The following NOL3 variants were observed in gnomAD, a reference collection of about 807,000 sequenced individuals.
The protein encoded by NOL3 is muscle-enriched cytoplasmic protein.
In NOL3, 18 loss-of-function variants were observed where a neutral mutation model predicts 19.2. The ratio of observed to expected loss-of-function variants is 0.94; its 90% CI spans 0.65 to 1.39. NOL3 has a LOEUF of 1.39. NOL3 is among the 40% of genes most tolerant of loss of function. The pLI, the probability that NOL3 is intolerant of heterozygous loss-of-function variation, is 0.00. For missense variants in NOL3, 290 were observed against 289.5 expected (o/e 1.00, Z -0.01); for synonymous variants, 127 against 137.3 (o/e 0.93, Z 0.52).
At position 67,174,033 on chromosome 16, in the gene NOL3, C is replaced by G. The variant is rs558555514; in HGVS notation, c.-8-129C>G. 13 of 1,550,858 alleles carry G rather than the reference C, an allele frequency of 8.4e-6. No individual in the cohort carries two copies. The Middle Eastern group carries it at 5.0e-4, about 60-fold the overall frequency. ...GTCCTGTGCTTGCGGAGCCGTCCGG[C>G]GGCTGGGATCGAGGTGAACTTAAAC... On this transcript the variant is annotated intron_variant, in intron 1 of 3. Coordinates refer to ENST00000268605, the Ensembl canonical transcript of NOL3.
chr16:67,175,094 A>G, exon 4 of NOL3: 2 of 1,614,216 alleles, frequency 1.2e-6, no homozygotes, highest in African/African-American at 1.3e-5. Context: ...CCCATGCTGG[A>G]TAGGACCTGG....
exon 4 of NOL3, chr16:67,175,490 G>C (rs2032126758): frequency 6.5e-6 from 2 of 307,206 alleles, no homozygotes; most frequent in South Asian, 2.1e-4. Flanking sequence ...TGGAGCAAGG[G>C]GAGGGTGACT....
chr16:67,174,201 C>T (rs754578073), exon 2 of NOL3: 1 of 1,612,242 alleles, frequency 6.2e-7, no homozygotes, highest in Admixed American at 1.7e-5. Flanking sequence ...CCGTCAGAGA[C>T]TATCGACCGC....
At chr16:67,174,917 G>A (rs1719065039) in exon 3 of NOL3, 1 of 1,613,074 alleles carries the variant, frequency 6.2e-7, no homozygotes, top group African/African-American at 1.3e-5. Context: ...GCCCGAGCCC[G>A]ACTTCGAGGA....
chr16:67,174,339 G>C (rs902026689), exon 2 of NOL3: 1 of 1,595,856 alleles, frequency 6.3e-7, no homozygotes, highest in Non-Finnish European at 8.5e-7. Context: ...GCCGAGCGCA[G>C]GGTGCGCCGC....
exon 4 of NOL3, chr16:67,175,096 A>G: frequency 6.2e-7 from 1 of 1,614,210 alleles, no homozygotes; most frequent in Non-Finnish European, 8.5e-7. Flanking sequence ...CATGCTGGAT[A>G]GGACCTGGGA....
intron 1 of NOL3, chr16:67,172,914 AAACCCC>A (rs2031851994): frequency 6.6e-6 from 1 of 151,262 alleles, no homozygotes; most frequent in Non-Finnish European, 1.5e-5. Flanking sequence ...CAACATAGTG[AAACCCC>A]GTCTCCACTA....
exon 2 of NOL3, chr16:67,174,273 T>C: frequency 6.2e-7 from 1 of 1,612,182 alleles, no homozygotes; most frequent in South Asian, 1.1e-5. Context: ...GACGCGCTGC[T>C]GGCGCGGGGC....
chr16:67,174,293 G>C (rs770216538), exon 2 of NOL3: 16 of 1,610,324 alleles, frequency 9.9e-6, no homozygotes, highest in African/African-American at 1.3e-5. Context: ...CGTGCTCACC[G>C]GGCCAGAGTA....
In NOL3 at chr16:67,174,283, CG is replaced by C; in HGVS notation, c.115del (p.Val39CysfsTer185). On this transcript the variant is annotated frameshift_variant, in exon 2 of 4. Coordinates refer to ENST00000268605, the Ensembl canonical transcript of NOL3. LOFTEE classifies it high-confidence loss of function. ...TGTTGGACGCGCTGCTGGCGCGGGG[CG>C]TGCTCACCGGGCCAGAGTACGAGGC... is the stretch of plus-strand genomic sequence containing the variant. 6.2e-7 allele frequency: 1 copy of C among 1,611,514 alleles called. No homozygotes were observed. Among genetic ancestry groups the C allele is most frequent in the Non-Finnish European group, 8.5e-7 (1 of 1,179,242 alleles).
chr16:67,175,141 C>T (rs1327607869), exon 4 of NOL3: 2 of 1,611,224 alleles, frequency 1.2e-6, no homozygotes, highest in Admixed American at 3.4e-5. Context: ...CACCAAGGCT[C>T]GGTCCAGCCC....
chr16:67,174,696 G>T (rs375028825), exon 3 of NOL3: 13 of 1,602,570 alleles, frequency 8.1e-6, no homozygotes, highest in Non-Finnish European at 3.4e-6. Flanking sequence ...GGGACCACAT[G>T]CCCCGGGTTG....
chr16:67,174,463 G>C, exon 2 of NOL3: 1 of 1,486,026 alleles, frequency 6.7e-7, no homozygotes, highest in Non-Finnish European at 8.9e-7. Flanking sequence ...ACGTGGGTCC[G>C]GGTGAGCGCG....
intron 3 of NOL3, 37 bp from the exon 4 acceptor site, chr16:67,175,010 A>G: frequency 6.2e-7 from 1 of 1,612,864 alleles, no homozygotes; most frequent in Non-Finnish European, 8.5e-7. Flanking sequence ...CGGATGCCGG[A>G]CCCCACCTCT....
chr16:67,174,996 G>A (rs375034871), intron 3 of NOL3, 51 bp from the exon 4 acceptor site: 67 of 1,610,992 alleles, frequency 4.2e-5, no homozygotes, highest in South Asian at 5.5e-5. Context: ...CATGGCCTGG[G>A]AAGCGGATGC....
exon 4 of NOL3, chr16:67,175,137 G>A (rs772483980): frequency 6.2e-7 from 1 of 1,613,170 alleles, no homozygotes; most frequent in Non-Finnish European, 8.5e-7. Flanking sequence ...ATGCCACCAA[G>A]GCTCGGTCCA....
At chr16:67,172,292 A>G (rs538427347) in intron 1 of NOL3, among the ~76,000 whole-genome samples, 2 of 152,282 alleles carry the variant, frequency 1.3e-5, no homozygotes, top group African/African-American at 4.8e-5. Context: ...ACTCACAGGA[A>G]TGGGCCATAA....
intron 1 of NOL3, chr16:67,173,136 A>G (rs2031873905): frequency 6.6e-6 from 1 of 151,154 alleles, no homozygotes; most frequent in African/African-American, 2.4e-5. Context: ...AGTGCGATCC[A>G]TGGAGGAAAA....
chr16:67,174,001 C>T (rs994817195), intron 1 of NOL3, 161 bp from the exon 2 acceptor site: 1 of 1,541,722 alleles, frequency 6.5e-7, no homozygotes, highest in Non-Finnish European at 8.7e-7. Context: ...CCCGTGTTGG[C>T]CTCCAGGTCC....
Sources: allele counts gnomAD v4.1 joint callset (sites outside exome capture counted in the v4.1 genomes callset), GRCh38; gene constraint gnomAD v4.1.1; transcripts MANE v1.5; gene names NCBI Gene and HGNC (gene_info 2026-07-23, HGNC 2026-07-21).